TRPM3: variants seen among roughly 807,000 people sequenced by gnomAD.
TRPM3 encodes the protein transient receptor potential cation channel subfamily M member 3, also known as long transient receptor potential channel 3.
A neutral mutation model predicts 181.2 loss-of-function variants in TRPM3; 77 were observed. The ratio of observed to expected loss-of-function variants is 0.42; its 90% CI spans 0.35 to 0.51. The LOEUF is 0.51. Among genes scored for constraint, TRPM3 ranks in the 20% least tolerant of loss-of-function variants. The probability of loss-of-function intolerance (pLI) is 0.01; values close to 1 mark genes in which losing one functional copy is unlikely to be tolerated. For missense variants in TRPM3, 1,759 were observed against 2,196.7 expected (o/e 0.80, Z 3.98); for synonymous variants, 745 against 796.4 (o/e 0.94, Z 1.09).
chr9:71,211,354 T>C (rs1234675839), intron 1 of TRPM3, among the ~76,000 whole-genome samples: 1 of 121,498 alleles, frequency 8.2e-6, no homozygotes, highest in East Asian at 3.0e-4. Flanking sequence ...TTCTTTTATA[T>C]GATTGTGTTT....
intron 1 of TRPM3, among the ~76,000 whole-genome samples, chr9:71,372,718 T>C (rs532799434): frequency 6.6e-6 from 1 of 152,268 alleles, no homozygotes; most frequent in East Asian, 1.9e-4. Flanking sequence ...CACATAACAA[T>C]ACTAACCTTA....
At chr9:71,224,618 T>G (rs1282631894) in intron 1 of TRPM3, among the ~76,000 whole-genome samples, 1 of 152,086 alleles carries the variant, frequency 6.6e-6, no homozygotes, top group Non-Finnish European at 1.5e-5. Flanking sequence ...GAATTCAGAA[T>G]AGCTGATTTC....
At chr9:70,697,684 T>C (rs1000015646) in intron 8 of TRPM3, among the ~76,000 whole-genome samples, 1 of 152,242 alleles carries the variant, frequency 6.6e-6, no homozygotes, top group Admixed American at 6.5e-5. Flanking sequence ...TACTGTTGCA[T>C]GTCACATGTA....
chr9:71,123,443 GGTT>G (rs1587496303), upstream of TRPM3, among the ~76,000 whole-genome samples: 2 of 152,222 alleles, frequency 1.3e-5, no homozygotes, highest in East Asian at 3.9e-4. Flanking sequence ...TTATGCCTAT[GGTT>G]GTTGTGAGGA....
Position 71,237,296 on chromosome 9 carries a change from A to G in TRPM3, c.183+209357T>C, listed in dbSNP as rs921190711. On this transcript the variant is annotated intron_variant, in intron 1 of 24. Transcript: ENST00000357533. ...CATTGTTTTTTTTCTGAATGAAATG[A>G]TGATACTATGAACACAGTTCTAAAG... is the stretch of plus-strand genomic sequence containing the variant. Among the ~76,000 whole-genome samples, 9 of 152,148 alleles carry G rather than the reference A, an allele frequency of 5.9e-5. No homozygotes were observed. In the East Asian group the frequency reaches 1.7e-3, roughly 29 times the overall value.
intron 1 of TRPM3, among the ~76,000 whole-genome samples, chr9:71,038,832 TG>T (rs1167340429): frequency 6.6e-6 from 1 of 151,256 alleles, no homozygotes. Flanking sequence ...GAATGAGGAG[TG>T]GGGATCACAT....
intron 22 of TRPM3, among the ~76,000 whole-genome samples, chr9:70,578,046 T>C (rs950544258): frequency 2.0e-5 from 3 of 152,232 alleles, no homozygotes; most frequent in African/African-American, 7.2e-5. Flanking sequence ...CCTGTGATTC[T>C]GTAAAGCTAG....
chr9:70,674,913 T>TC (rs766140400), intron 9 of TRPM3, among the ~76,000 whole-genome samples: 57 of 151,860 alleles, frequency 3.8e-4, no homozygotes, highest in Middle Eastern at 3.4e-3. Flanking sequence ...GTTTAGGTTT[T>TC]CTTTTTTCCC....
chr9:71,237,047 A>AAAC (rs2081391362), intron 1 of TRPM3, among the ~76,000 whole-genome samples: 1 of 148,572 alleles, frequency 6.7e-6, no homozygotes, highest in African/African-American at 2.5e-5. Context: ...ACTCCATCAA[A>AAAC]AAAAAAAAAA....
At chr9:71,391,129 C>G (rs1460362255) in intron 1 of TRPM3, among the ~76,000 whole-genome samples, 1 of 151,656 alleles carries the variant, frequency 6.6e-6, no homozygotes, top group African/African-American at 2.4e-5. Flanking sequence ...CTAAGACCAC[C>G]GCTGCCTGAA....
chr9:70,807,714 G>GATTGT (rs1162061361), intron 6 of TRPM3, among the ~76,000 whole-genome samples: 2 of 152,144 alleles, frequency 1.3e-5, no homozygotes, highest in Non-Finnish European at 2.9e-5. Flanking sequence ...AGACTGTGAA[G>GATTGT]GCAGATGGGA....
intron 6 of TRPM3, among the ~76,000 whole-genome samples, chr9:70,784,666 A>G (rs545479722): frequency 2.0e-5 from 3 of 152,284 alleles, no homozygotes; most frequent in African/African-American, 4.8e-5. Flanking sequence ...TATCTTTCCA[A>G]TGAGTCTGTT....
chr9:71,144,877 C>T (rs1395032527), intron 1 of TRPM3, among the ~76,000 whole-genome samples: 2 of 151,982 alleles, frequency 1.3e-5, no homozygotes. Flanking sequence ...CTATTATATC[C>T]TAAAAATAAA....
At chr9:71,130,953 T>TACAGATC (rs2074334001) in intron 1 of TRPM3, among the ~76,000 whole-genome samples, 1 of 152,220 alleles carries the variant, frequency 6.6e-6, no homozygotes, top group African/African-American at 2.4e-5. Context: ...ACCTGTTGGC[T>TACAGATC]ACAGATCAGA....
chr9:71,041,090 T>C lies in TRPM3; in HGVS notation c.177+80088A>G, dbSNP rs74850284. Among the ~76,000 whole-genome samples, 941 of 152,300 alleles carry C rather than the reference T, an allele frequency of 6.2e-3. 9 individuals carry two copies. Among genetic ancestry groups the C allele is most frequent in the African/African-American group, 0.021 (871 of 41,568 alleles). On this transcript the variant is annotated intron_variant, in intron 1 of 25. Transcript: ENST00000677713. ...ATGTTAATTTCCTGAATTTGATCAC[T>C]GTACTAGTGTTAGGAAAGAGAATAT...
At chr9:71,014,011 A>G (rs2097765775) in intron 1 of TRPM3, among the ~76,000 whole-genome samples, 1 of 151,828 alleles carries the variant, frequency 6.6e-6, no homozygotes, top group Admixed American at 6.6e-5. Context: ...TTTGGATTGG[A>G]AATTTTTTCA....
chr9:70,876,733 G>C (rs2095874910), intron 1 of TRPM3, among the ~76,000 whole-genome samples: 1 of 151,880 alleles, frequency 6.6e-6, no homozygotes, highest in Non-Finnish European at 1.5e-5. Flanking sequence ...TCTGAGACAA[G>C]CTATGCTAAT....
At chr9:71,062,066 A>G (rs1366362922) in intron 1 of TRPM3, among the ~76,000 whole-genome samples, 3 of 152,080 alleles carry the variant, frequency 2.0e-5, no homozygotes, top group African/African-American at 7.2e-5. Context: ...TGCAGTTGCT[A>G]TACTACCCTA....
chr9:71,143,505 CA>C (rs2075241736), intron 1 of TRPM3, among the ~76,000 whole-genome samples: 4 of 152,106 alleles, frequency 2.6e-5, no homozygotes, highest in Non-Finnish European at 2.9e-5. Context: ...CATGTCCCTG[CA>C]AGGGACATGA....
Sources: gnomAD v4.1 joint callset for allele counts (sites outside exome capture counted in the v4.1 genomes callset) on GRCh38, gnomAD v4.1.1 for gene constraint, MANE v1.5 for transcripts, NCBI Gene and HGNC (gene_info 2026-07-23, HGNC 2026-07-21) for gene names.